Variants in ELL observed in about 807,000 individuals in gnomAD.
ELL encodes RNA polymerase II elongation factor ELL.
A neutral mutation model predicts 64.0 loss-of-function variants in ELL; 18 were observed. The ratio of observed to expected loss-of-function variants is 0.28; its 90% confidence interval spans 0.19 to 0.42. ELL has a LOEUF of 0.42. ELL is among the 10% of genes least tolerant of loss of function. ELL has a pLI of 1.00. For synonymous variants in ELL, 399 were observed against 376.2 expected, an observed-to-expected ratio of 1.06 and a Z score of -0.70; for missense variants, 797 against 870.4, an observed-to-expected ratio of 0.92 and a Z score of 1.06.
At chr19:18,485,374 C>T (rs34396353) in intron 1 of ELL, among the ~76,000 whole-genome samples, 1 of 152,188 alleles carries the variant, frequency 6.6e-6, no homozygotes, top group Non-Finnish European at 1.5e-5. Context: ...CGCCTCCTCT[C>T]TGCCACACTC....
chr19:18,504,879 C>T (rs1306049233), intron 1 of ELL, among the ~76,000 whole-genome samples: 2 of 152,226 alleles, frequency 1.3e-5, no homozygotes, highest in Non-Finnish European at 2.9e-5. Context: ...ACAAAGCCCC[C>T]ACAGCCCTGA....
chr19:18,486,191 CCTGGGAAGGAAT>C (rs2144948340), intron 1 of ELL, among the ~76,000 whole-genome samples: 1 of 152,204 alleles, frequency 6.6e-6, no homozygotes, highest in East Asian at 1.9e-4. Flanking sequence ...AGCCCTGCAA[CCTGGGAAGGAAT>C]CTGGGGAGGG....
At position 18,450,962 on chromosome 19, in the gene ELL, G is replaced by A. The variant is rs904550653; in HGVS notation, c.980C>T (p.Pro327Leu). 1.3e-5 allele frequency: 20 copies of A among 1,523,490 alleles called. No individual in the cohort carries two copies. Among genetic ancestry groups the A allele is most frequent in the Middle Eastern group, 1.8e-4 (1 of 5,616 alleles). 94.4% of individuals were successfully genotyped at this position (1,523,490 alleles called of 1,614,324 possible). ...GGCTAGGGGGTCGATGAAATCAGGA[G>A]GCTGCAGCCGCTTCTGGAGAGGAGC... ...SASPPQKRLQ[P>L]PDFIDPLANK... The change falls in exon 8 of 12, where the codon CCT becomes CTT. Residue 327 changes from proline (P) to leucine (L), a missense_variant. Transcript: ENST00000262809.
chr19:18,518,701 G>C (rs1600514324), intron 1 of ELL, among the ~76,000 whole-genome samples: 1 of 151,660 alleles, frequency 6.6e-6, no homozygotes, highest in African/African-American at 2.4e-5. Context: ...TGAGGCAGGA[G>C]AATCACTTGA....
At position 18,507,507 on chromosome 19, in the gene ELL, C is replaced by T. The variant is rs111814405; in HGVS notation, c.135+14414G>A. 1.5e-3 allele frequency among the ~76,000 whole-genome samples: 232 copies of T among 152,354 alleles called. 4 individuals are homozygous for T. In the South Asian group the frequency reaches 0.017, roughly 11 times the overall value. On this transcript the variant is annotated intron_variant, in intron 1 of 11. Coordinates refer to ENST00000262809, the MANE Select transcript of ELL (RefSeq NM_006532.4). ...GGAAGGGTCTCCTAGGTCTCCCCAG[C>T]CCAAGGTGAGCTTGCTTCTGTGGAG... is the stretch of plus-strand genomic sequence containing the variant.
intron 1 of ELL, among the ~76,000 whole-genome samples, chr19:18,494,956 G>A (rs1171312160): frequency 6.6e-6 from 1 of 152,218 alleles, no homozygotes; most frequent in Non-Finnish European, 1.5e-5. Context: ...CAGGATTTGA[G>A]AGTTGAAAAA....
intron 4 of ELL, among the ~76,000 whole-genome samples, chr19:18,462,940 G>C (rs1175950815): frequency 1.3e-5 from 2 of 152,164 alleles, no homozygotes; most frequent in Non-Finnish European, 2.9e-5. Flanking sequence ...AGAGCCCTGG[G>C]GAGAGCAGGT....
At chr19:18,477,166 G>GT (rs761019515) in intron 1 of ELL, among the ~76,000 whole-genome samples, 5 of 152,172 alleles carry the variant, frequency 3.3e-5, no homozygotes, top group Non-Finnish European at 7.4e-5. Context: ...TACGGGTATC[G>GT]TGAGAGAGCC....
intron 1 of ELL, among the ~76,000 whole-genome samples, chr19:18,508,472 G>A (rs916868571): frequency 6.6e-6 from 1 of 152,220 alleles, no homozygotes; most frequent in Non-Finnish European, 1.5e-5. Context: ...TGTCCCATTA[G>A]TGAAATAAAG....
Position 18,446,808 on chromosome 19 carries a change from T to C in ELL, c.1472A>G (p.Asn491Ser). The C allele has an allele frequency of 3.7e-6, 6 of 1,614,002 alleles. No individual in the cohort carries two copies. The highest frequency in any genetic ancestry group is 4.2e-6 in the Non-Finnish European group (5 of 1,179,992). Residue 491 changes from asparagine to serine, a missense_variant, in exon 9 of 12, where the codon AAC becomes AGC. By Grantham distance (46) the Asn-to-Ser change is conservative. Coordinates refer to ENST00000262809, the MANE Select transcript of ELL (RefSeq NM_006532.4). ...PGAPADTPGL[N>S]GTCSVSSVPT... ...AACACTGGAAACGCTGCAGGTTCCG[T>C]TTAAACCTACGAGAGCAAACACATA...
intron 2 of ELL, 70 bp downstream of exon 2, chr19:18,472,765 G>A (rs1031135964): frequency 3.3e-6 from 5 of 1,535,378 alleles, no homozygotes; most frequent in East Asian, 4.5e-5. Context: ...TGTACCCAGC[G>A]AGCAAGGACA....
At chr19:18,463,613 G>GT (rs1156541437) in intron 4 of ELL, among the ~76,000 whole-genome samples, 1 of 152,042 alleles carries the variant, frequency 6.6e-6, no homozygotes, top group East Asian at 1.9e-4. Flanking sequence ...GATTACAGGT[G>GT]TGAGCCACTG....
At position 18,521,640 on chromosome 19, in the gene ELL, G is replaced by A. The variant is rs189651141; in HGVS notation, c.135+281C>T. ...GCAGGCCAGAAAGGCCCCGGACGCC[G>A]CCAGGTGCCGACACCGACGCCCCCC... On this transcript the variant is annotated intron_variant, in intron 1 of 11. Coordinates refer to ENST00000262809, the MANE Select transcript of ELL (RefSeq NM_006532.4). Among the ~76,000 whole-genome samples the A allele has an allele frequency of 1.2e-4, 18 of 151,926 alleles. No individual in the cohort carries two copies. The East Asian group carries it at 3.3e-3, about 28-fold the overall frequency.
In ELL at chr19:18,450,817, C is replaced by T. The variant is rs771268243; in HGVS notation, c.1125G>A (p.Thr375=). 37 of 1,585,776 alleles carry T rather than the reference C, an allele frequency of 2.3e-5. 1 individual carries two copies. The Admixed American group carries it at 2.7e-4, about 11-fold the overall frequency. The part of the protein sequence containing the change: ...LLPTPGPPAS[T]DTLSSSTHLP... The stretch of plus-strand genomic sequence containing the variant: ...GGTGAGTGCTGGAGCTGAGGGTGTC[C>T]GTGCTGGCTGGTGGGCCCGGGGTGG... Residue 375 remains threonine (T), a synonymous_variant, in exon 8 of 12, where the codon ACG becomes ACA. Coordinates refer to ENST00000262809, the MANE Select transcript of ELL (RefSeq NM_006532.4).
intron 1 of ELL, among the ~76,000 whole-genome samples, chr19:18,498,769 G>A (rs1975718167): frequency 1.3e-5 from 2 of 152,168 alleles, no homozygotes; most frequent in African/African-American, 2.4e-5. Context: ...GGACAACATG[G>A]TGAAACCCTG....
rs1161274256 is a variant in ELL at position 18,509,591 on chromosome 19, GCGCACATACACACA to G, written c.135+12316_135+12329del. Among the ~76,000 whole-genome samples the G allele has an allele frequency of 2.2e-3, 263 of 121,780 alleles. 6 individuals carry two copies. Among genetic ancestry groups the G allele is most frequent in the Middle Eastern group, 3.9e-3 (1 of 256 alleles). The allele number at this position is 121,780 out of a possible 152,430, so 79.9% of individuals were successfully genotyped here. A position where few individuals can be genotyped will look rare whatever the true frequency, so the allele number is the denominator to read the frequency against. ...CACAGGCCAATGCACGTGCGCGCGC[GCGCACATACACACA>G]CACACACACACACACACACACACAC... On this transcript the variant is annotated intron_variant, in intron 1 of 11. Transcript: ENST00000262809.
At chr19:18,473,277 A>G in intron 1 of ELL, 1 of 498,608 alleles carries the variant, frequency 2.0e-6, no homozygotes, top group Admixed American at 2.3e-5. Flanking sequence ...AAAAGCAAAG[A>G]CAGGTCAGGG....
intron 1 of ELL, chr19:18,473,339 C>A: frequency 2.6e-6 from 1 of 379,790 alleles, no homozygotes; most frequent in Non-Finnish European, 5.4e-6. Context: ...AAAGCAGCCC[C>A]CTCCACTCTC....
intron 1 of ELL, among the ~76,000 whole-genome samples, chr19:18,515,536 G>A (rs573992212): frequency 5.4e-4 from 83 of 152,382 alleles, no homozygotes; most frequent in South Asian, 8.3e-4. Flanking sequence ...CTCCCACCAC[G>A]GGGAAGATGG....
Sources: gnomAD v4.1 joint callset for allele counts (sites outside exome capture counted in the v4.1 genomes callset) on GRCh38, gnomAD v4.1.1 for gene constraint, MANE v1.5 for transcripts, NCBI Gene and HGNC (gene_info 2026-07-23, HGNC 2026-07-21) for gene names.